Variants in RAPGEF2 observed in about 807,000 individuals in gnomAD.
The protein encoded by RAPGEF2 is Rap guanine nucleotide exchange factor 2.
Under a neutral mutation model 186.7 loss-of-function variants are expected in RAPGEF2, and 54 were observed. The ratio of observed to expected loss-of-function variants is 0.29; its 90% CI spans 0.23 to 0.36. RAPGEF2 has a LOEUF of 0.36. RAPGEF2 is among the 10% of genes least tolerant of loss of function. The probability of loss-of-function intolerance (pLI) is 1.00; values close to 1 mark genes in which losing one functional copy is unlikely to be tolerated. For missense variants in RAPGEF2, 1,532 were observed against 2,045.0 expected (o/e 0.75, Z 4.84); for synonymous variants, 712 against 705.9 (o/e 1.01, Z -0.14).
At chr4:159,231,655 A>T (rs971382224) in intron 4 of RAPGEF2, among the ~76,000 whole-genome samples, 2 of 152,152 alleles carry the variant, frequency 1.3e-5, no homozygotes, top group Non-Finnish European at 2.9e-5. Flanking sequence ...AAAATTTCAA[A>T]TACAGAATGC....
rs139787162 is a variant in RAPGEF2 at position 159,115,272 on chromosome 4, T to C, written c.69+11041T>C. ...CTAACATTTTAGATAATTGTAAATA[T>C]AGTGTAAGCAGGAAGATATTTACTA... On this transcript the variant is annotated intron_variant, in intron 1 of 29. Coordinates refer to ENST00000691494, the MANE Select transcript of RAPGEF2 (RefSeq NM_001394067.2). Among the ~76,000 whole-genome samples the C allele has an allele frequency of 4.9e-4, 74 of 152,302 alleles. 1 individual carries two copies. Among genetic ancestry groups the C allele is most frequent in the African/African-American group, 1.7e-3 (69 of 41,576 alleles).
intron 4 of RAPGEF2, among the ~76,000 whole-genome samples, chr4:159,222,436 G>A (rs1751632344): frequency 6.6e-6 from 1 of 152,212 alleles, no homozygotes; most frequent in South Asian, 2.1e-4. Flanking sequence ...ATAAATGAGT[G>A]TGTGATAGTT....
At chr4:159,138,068 A>C (rs1225064619) in intron 1 of RAPGEF2, among the ~76,000 whole-genome samples, 2 of 152,202 alleles carry the variant, frequency 1.3e-5, no homozygotes, top group African/African-American at 4.8e-5. Flanking sequence ...ATGTTAATGA[A>C]TATGGTTTAA....
At chr4:159,143,973 C>T (rs1742630812) in intron 1 of RAPGEF2, among the ~76,000 whole-genome samples, 1 of 152,160 alleles carries the variant, frequency 6.6e-6, no homozygotes, top group Admixed American at 6.5e-5. Context: ...CAGGTGCCCA[C>T]TGGTCTTTTT....
intron 1 of RAPGEF2, among the ~76,000 whole-genome samples, chr4:159,164,408 C>T (rs745558934): frequency 2.7e-5 from 4 of 150,162 alleles, no homozygotes; most frequent in Admixed American, 1.3e-4. Context: ...GGAGTGAAAA[C>T]GAAAATATCT....
intron 3 of RAPGEF2, among the ~76,000 whole-genome samples, chr4:159,205,162 A>G (rs1379796737): frequency 6.6e-6 from 1 of 152,132 alleles, no homozygotes; most frequent in Non-Finnish European, 1.5e-5. Flanking sequence ...AAAGTTTTTC[A>G]GAGTTGGCCA....
At chr4:159,334,133 G>A (rs1376652094) in intron 17 of RAPGEF2, among the ~76,000 whole-genome samples, 1 of 152,146 alleles carries the variant, frequency 6.6e-6, no homozygotes, top group Admixed American at 6.5e-5. Flanking sequence ...AAGAGACAAT[G>A]GATTAGGGCA....
chr4:159,313,342 A>G (rs1256733493), intron 8 of RAPGEF2, among the ~76,000 whole-genome samples: 1 of 152,208 alleles, frequency 6.6e-6, no homozygotes, highest in East Asian at 1.9e-4. Flanking sequence ...ACAGTTTATC[A>G]GCAGCATGAC....
intron 4 of RAPGEF2, among the ~76,000 whole-genome samples, chr4:159,236,665 T>C (rs1461530472): frequency 6.6e-6 from 1 of 152,238 alleles, no homozygotes; most frequent in Non-Finnish European, 1.5e-5. Context: ...TGCCACATAT[T>C]TTACTAACAC....
At chr4:159,190,635 C>T (rs2111306855) in intron 2 of RAPGEF2, among the ~76,000 whole-genome samples, 1 of 152,292 alleles carries the variant, frequency 6.6e-6, no homozygotes, top group African/African-American at 2.4e-5. Context: ...GGGGAGGCCT[C>T]AGAAAACTTA....
Position 159,338,325 on chromosome 4 carries a change from G to C in RAPGEF2, c.2150G>C (p.Gly717Ala). ...TCTTTGTTCAGTGATATTGGGATTG[G>C]TCAGTCTCAAGATGACAGCATAGTA... is the stretch of plus-strand genomic sequence containing the variant. ...PQKPYNDIGI[G>A]QSQDDSIVGL... Residue 717 changes from glycine (G) to alanine (A), a missense_variant, in exon 18 of 30, where the codon GGT becomes GCT. Around this residue, in one of 4 missense-constraint regions of RAPGEF2, gnomAD observed 810 missense variants for 1,210.5 expected, o/e 0.67. Coordinates refer to ENST00000691494, the MANE Select transcript of RAPGEF2 (RefSeq NM_001394067.2). 1 of 1,612,100 alleles carries C rather than the reference G, an allele frequency of 6.2e-7. No homozygotes were observed. Among genetic ancestry groups the C allele is most frequent in the Non-Finnish European group, 8.5e-7 (1 of 1,179,098 alleles).
chr4:159,351,172 T>A, intron 26 of RAPGEF2: 1 of 1,534,284 alleles, frequency 6.5e-7, no homozygotes, highest in East Asian at 2.4e-5. Context: ...ACCACGGACC[T>A]ATGGGATAGG....
chr4:159,220,298 A>G (rs1207146908), intron 4 of RAPGEF2, among the ~76,000 whole-genome samples: 1 of 149,096 alleles, frequency 6.7e-6, no homozygotes, highest in Non-Finnish European at 1.5e-5. Flanking sequence ...GATCCAGTTG[A>G]GAGAGGTACA....
intron 7 of RAPGEF2, among the ~76,000 whole-genome samples, chr4:159,299,371 C>T (rs983735726): frequency 2.0e-5 from 3 of 151,036 alleles, no homozygotes; most frequent in African/African-American, 4.9e-5. Context: ...TATTGGATTT[C>T]TCAGCAGTCC....
intron 5 of RAPGEF2, 86 bp from the exon 6 acceptor site, chr4:159,241,115 G>A (rs918866015): frequency 8.2e-6 from 9 of 1,099,102 alleles, no homozygotes; most frequent in Non-Finnish European, 1.1e-5. Context: ...ATTGAATATG[G>A]GTTATCTGTA....
In RAPGEF2 at chr4:159,338,616, A is replaced by C. The variant is rs140094856; in HGVS notation, c.2293+148A>C. 782 of 887,286 alleles carry C rather than the reference A, an allele frequency of 8.8e-4. 3 individuals are homozygous for C. Among genetic ancestry groups the C allele is most frequent in the Non-Finnish European group, 1.2e-3 (706 of 607,838 alleles). 55.0% of individuals were successfully genotyped at this position (887,286 alleles called of 1,614,324 possible). A position where few individuals can be genotyped will look rare whatever the true frequency, so the allele number is the denominator to read the frequency against. ...AAACTTAAACTTTAAGATTTTTGAA[A>C]TCAGGTGTTGGAACCAGTTCTCTTT... On this transcript the variant is annotated intron_variant, in intron 18 of 29. Transcript: ENST00000691494.
intron 7 of RAPGEF2, among the ~76,000 whole-genome samples, chr4:159,301,537 C>G (rs1762674708): frequency 6.6e-6 from 1 of 152,010 alleles, no homozygotes; most frequent in Non-Finnish European, 1.5e-5. Flanking sequence ...TTATTTCATG[C>G]CATTCTGCAA....
chr4:159,159,992 T>C (rs1256810972), intron 1 of RAPGEF2, among the ~76,000 whole-genome samples: 2 of 152,252 alleles, frequency 1.3e-5, no homozygotes, highest in Non-Finnish European at 2.9e-5. Flanking sequence ...AACCCACATT[T>C]AAACTCTAAT....
intron 8 of RAPGEF2, among the ~76,000 whole-genome samples, chr4:159,309,412 T>TC (rs1466625635): frequency 6.6e-6 from 1 of 152,116 alleles, no homozygotes; most frequent in African/African-American, 2.4e-5. Flanking sequence ...CTCTATTTTT[T>TC]CCCCTAGAGC....
Sources: allele counts gnomAD v4.1 joint callset (sites outside exome capture counted in the v4.1 genomes callset), GRCh38; gene constraint gnomAD v4.1.1; regional missense constraint gnomAD v4.1.1; transcripts MANE v1.5; gene names NCBI Gene and HGNC (gene_info 2026-07-23, HGNC 2026-07-21).